Variants in PITPNC1 observed in about 807,000 individuals in gnomAD.
PITPNC1 encodes the protein cytoplasmic phosphatidylinositol transfer protein 1.
PITPNC1 carries 18 observed loss-of-function variants against 44.7 expected under a neutral mutation model. That is an observed-to-expected ratio of 0.40 (90% CI 0.28 to 0.60). The LOEUF is 0.60. Among genes scored for constraint, PITPNC1 ranks in the 20% least tolerant of loss-of-function variants. PITPNC1 has a pLI of 0.39. For missense variants in PITPNC1, 290 were observed against 418.4 expected (o/e 0.69, Z 2.68); for synonymous variants, 141 against 149.6 (o/e 0.94, Z 0.42).
At chr17:67,449,507 A>G (rs2039146639) in intron 1 of PITPNC1, among the ~76,000 whole-genome samples, 1 of 152,214 alleles carries the variant, frequency 6.6e-6, no homozygotes, top group South Asian at 2.1e-4. Context: ...GAAAAAGAAA[A>G]TGTTACTTAA....
intron 1 of PITPNC1, among the ~76,000 whole-genome samples, chr17:67,519,806 C>T (rs1371913916): frequency 1.3e-5 from 2 of 152,178 alleles, no homozygotes; most frequent in African/African-American, 4.8e-5. Flanking sequence ...ACATATATAA[C>T]CCTCTCCCAG....
intron 6 of PITPNC1, among the ~76,000 whole-genome samples, chr17:67,636,057 G>C (rs557315528): frequency 3.9e-4 from 59 of 152,276 alleles, no homozygotes; most frequent in African/African-American, 1.4e-3. Context: ...CCAGCACTTT[G>C]GGAGGCCGAG....
At chr17:67,445,179 A>G (rs561618546) in intron 1 of PITPNC1, among the ~76,000 whole-genome samples, 2 of 152,136 alleles carry the variant, frequency 1.3e-5, no homozygotes, top group South Asian at 4.1e-4. Context: ...GACCGACTTC[A>G]GTGTTTTGCC....
rs540730062 is a variant in PITPNC1, at chr17:67,384,277, A to G, written c.48+6075A>G. 1.2e-4 allele frequency among the ~76,000 whole-genome samples: 19 copies of G among 152,084 alleles called. No individual in the cohort carries two copies. In the East Asian group the frequency reaches 3.7e-3, roughly 29 times the overall value. On this transcript the variant is annotated intron_variant, in intron 1 of 8. Coordinates refer to ENST00000581322, the MANE Select transcript of PITPNC1 (RefSeq NM_012417.4). Reference sequence around the variant, plus strand: ...ATATTATTTTCTTTTTTGCCCTGGCAGGGAGCCAGTGCACTTCATCCAGGC... The same window carrying G: ...ATATTATTTTCTTTTTTGCCCTGGCGGGGAGCCAGTGCACTTCATCCAGGC...
chr17:67,661,994 CATA>C (rs59557224), intron 6 of PITPNC1, among the ~76,000 whole-genome samples: 1 of 150,854 alleles, frequency 6.6e-6, no homozygotes, highest in Non-Finnish European at 1.5e-5. Flanking sequence ...GACTCCATCT[CATA>C]ATAATAATAA....
intron 1 of PITPNC1, among the ~76,000 whole-genome samples, chr17:67,399,829 C>T (rs1348613901): frequency 3.3e-5 from 5 of 152,108 alleles, no homozygotes; most frequent in African/African-American, 4.8e-5. Context: ...GTAAGTTGCC[C>T]GGAGTTGGGG....
At chr17:67,613,247 A>G (rs1230035087) in intron 5 of PITPNC1, 7 of 152,222 alleles carry the variant, frequency 4.6e-5, no homozygotes, top group Non-Finnish European at 8.8e-5. Context: ...TGATTAAAGG[A>G]CCACAAAGGA....
chr17:67,564,263 C>A (rs978200904), intron 4 of PITPNC1, among the ~76,000 whole-genome samples: 1 of 152,088 alleles, frequency 6.6e-6, no homozygotes, highest in African/African-American at 2.4e-5. Flanking sequence ...AGTCCCACAA[C>A]AGCCCACCTG....
intron 5 of PITPNC1, among the ~76,000 whole-genome samples, chr17:67,618,584 C>T (rs1316877397): frequency 6.6e-6 from 1 of 151,474 alleles, no homozygotes; most frequent in Non-Finnish European, 1.5e-5. Context: ...AACCCCGGCT[C>T]TACTAAAAAT....
intron 1 of PITPNC1, among the ~76,000 whole-genome samples, chr17:67,419,461 A>C (rs2038636444): frequency 6.6e-6 from 1 of 152,204 alleles, no homozygotes; most frequent in Non-Finnish European, 1.5e-5. Context: ...TGGTGGGTTC[A>C]GTACCTCCTT....
At chr17:67,552,554 C>T (rs2040781667) in intron 3 of PITPNC1, among the ~76,000 whole-genome samples, 1 of 151,818 alleles carries the variant, frequency 6.6e-6, no homozygotes, top group Non-Finnish European at 1.5e-5. Context: ...TTAAGCTAAG[C>T]CATTCCATCT....
chr17:67,615,769 G>A (rs1284640456), intron 5 of PITPNC1, among the ~76,000 whole-genome samples: 2 of 152,126 alleles, frequency 1.3e-5, no homozygotes, highest in Admixed American at 1.3e-4. Context: ...GGGAGAAATT[G>A]GAGCTATTTT....
intron 1 of PITPNC1, among the ~76,000 whole-genome samples, chr17:67,450,477 G>C (rs900539662): frequency 2.6e-5 from 4 of 152,032 alleles, no homozygotes; most frequent in Non-Finnish European, 5.9e-5. Context: ...CCAGGCTGGA[G>C]TGCAGTGGTG....
intron 4 of PITPNC1, among the ~76,000 whole-genome samples, chr17:67,572,882 A>G (rs775948015): frequency 6.6e-6 from 1 of 151,992 alleles, no homozygotes; most frequent in Non-Finnish European, 1.5e-5. Context: ...ACAGAGACCC[A>G]GAGGGAAGAA....
intron 1 of PITPNC1, among the ~76,000 whole-genome samples, chr17:67,380,545 T>G (rs1006672413): frequency 4.6e-5 from 7 of 152,146 alleles, no homozygotes; most frequent in Admixed American, 4.6e-4. Context: ...GGAGGGCAAT[T>G]TAGATTAATA....
intron 5 of PITPNC1, among the ~76,000 whole-genome samples, chr17:67,593,394 G>A (rs2041418667): frequency 6.6e-6 from 1 of 150,714 alleles, no homozygotes; most frequent in South Asian, 2.1e-4. Flanking sequence ...TTGGCTTTTT[G>A]ATTTTTTGTT....
intron 5 of PITPNC1, among the ~76,000 whole-genome samples, chr17:67,585,958 A>G (rs1427109250): frequency 6.6e-6 from 1 of 152,184 alleles, no homozygotes; most frequent in African/African-American, 2.4e-5. Flanking sequence ...ACAATTAATT[A>G]GATTTTGTTG....
At chr17:67,469,362 G>C (rs2039479110) in intron 1 of PITPNC1, among the ~76,000 whole-genome samples, 1 of 152,078 alleles carries the variant, frequency 6.6e-6, no homozygotes, top group Non-Finnish European at 1.5e-5. Context: ...CTCAGAGTGT[G>C]GGCCTCCAAC....
At chr17:67,406,037 C>G (rs562057335) in intron 1 of PITPNC1, among the ~76,000 whole-genome samples, 7 of 152,162 alleles carry the variant, frequency 4.6e-5, no homozygotes, top group Non-Finnish European at 1.0e-4. Flanking sequence ...CATTCACATG[C>G]CACAAAATTC....
Sources: gnomAD v4.1 joint callset for allele counts (sites outside exome capture counted in the v4.1 genomes callset) on GRCh38, gnomAD v4.1.1 for gene constraint, MANE v1.5 for transcripts, NCBI Gene and HGNC (gene_info 2026-07-23, HGNC 2026-07-21) for gene names.